SSUH2: variants seen among roughly 807,000 people sequenced by gnomAD.
SSUH2 encodes protein SSUH2 homolog.
A neutral mutation model predicts 55.3 loss-of-function variants in SSUH2; 47 were observed. The observed-to-expected ratio is 0.85, with a 90% CI of 0.67 to 1.08. SSUH2 has a LOEUF of 1.08. SSUH2 is among the 50% of genes least tolerant of loss of function. The probability of loss-of-function intolerance (pLI) is 0.00; values close to 1 mark genes in which losing one functional copy is unlikely to be tolerated. For synonymous variants in SSUH2, 212 were observed against 191.5 expected (o/e 1.11, Z -0.89); for missense variants, 535 against 490.7 (o/e 1.09, Z -0.85).
chr3:8,678,301 C>T (rs1404010779), intron 2 of SSUH2, among the ~76,000 whole-genome samples: 4 of 152,020 alleles, frequency 2.6e-5, no homozygotes, highest in Non-Finnish European at 4.4e-5. Context: ...GGAAGAATAT[C>T]ACAGGGTGGG....
chr3:8,676,947 G>A lies in SSUH2; in HGVS notation c.-753+259C>T, dbSNP rs1375999204. On this transcript the variant is annotated intron_variant, in intron 3 of 18. Coordinates refer to the SSUH2 transcript ENST00000317371. ...GCTCTTAGGACCCCCATAGTACGGG[G>A]GGAAGGCATCCCCCTGTGAGGCGGG... Among the ~76,000 whole-genome samples, 6 of 144,284 alleles carry A rather than the reference G, an allele frequency of 4.2e-5. No homozygotes were observed. In the South Asian group the frequency reaches 9.0e-4, roughly 22 times the overall value. 94.7% of individuals were successfully genotyped at this position (144,284 alleles called of 152,430 possible). A position where few individuals can be genotyped will look rare whatever the true frequency, so the allele number is the denominator to read the frequency against.
intron 3 of SSUH2, chr3:8,634,013 A>G: frequency 6.6e-7 from 1 of 1,505,358 alleles, no homozygotes; most frequent in African/African-American, 1.4e-5. Flanking sequence ...ACAGCCAAAA[A>G]CACTTTAGTT....
At chr3:8,628,365 A>C (rs1288742258) in intron 7 of SSUH2, among the ~76,000 whole-genome samples, 2 of 152,132 alleles carry the variant, frequency 1.3e-5, no homozygotes, top group Non-Finnish European at 2.9e-5. Flanking sequence ...AAAGAACGCG[A>C]GAAGTTTGGT....
intron 10 of SSUH2, among the ~76,000 whole-genome samples, chr3:8,624,775 T>C (rs2125101975): frequency 6.6e-6 from 1 of 152,316 alleles, no homozygotes; most frequent in East Asian, 1.9e-4. Flanking sequence ...GGCAGTGGGC[T>C]GGGTGTGCCA....
intron 1 of SSUH2, among the ~76,000 whole-genome samples, chr3:8,680,689 A>G (rs1228833952): frequency 6.6e-6 from 1 of 151,946 alleles, no homozygotes; most frequent in East Asian, 1.9e-4. Context: ...TCTGCCATAC[A>G]TGAAGTCATA....
chr3:8,655,402 A>T (rs2662107), intron 7 of SSUH2, among the ~76,000 whole-genome samples: 4 of 95,742 alleles, frequency 4.2e-5, no homozygotes, highest in East Asian at 3.0e-4. Context: ...GGGTGGCCTC[A>T]TCCCCCGGGT....
At chr3:8,649,724 C>G (rs906594867), upstream of SSUH2, among the ~76,000 whole-genome samples, 1 of 152,130 alleles carries the variant, frequency 6.6e-6, no homozygotes, top group Admixed American at 6.5e-5. Context: ...CCCTGCCCCC[C>G]TCACCTGGAT....
chr3:8,634,032 G>C lies in SSUH2; in HGVS notation c.210-237C>G, dbSNP rs552904930. 3.0e-6 allele frequency: 4 copies of C among 1,340,614 alleles called. No homozygotes were observed. The African/African-American group carries it at 5.9e-5, about 20-fold the overall frequency. 83.0% of individuals were successfully genotyped at this position (1,340,614 alleles called of 1,614,324 possible). On this transcript the variant is annotated intron_variant, in intron 3 of 11. Coordinates refer to ENST00000544814, the MANE Select transcript of SSUH2 (RefSeq NM_001256748.3). ...CCAAAAACACTTTAGTTGAAATGTG[G>C]AGCTTAGGAGAAAAGCTGATAGAAT...
chr3:8,653,121 T>A (rs1228643860), intron 7 of SSUH2, among the ~76,000 whole-genome samples: 1 of 152,180 alleles, frequency 6.6e-6, no homozygotes, highest in Non-Finnish European at 1.5e-5. Flanking sequence ...AAATTGAGAA[T>A]CACATGGAGA....
chr3:8,620,552 T>A (rs78004562), intron 11 of SSUH2, among the ~76,000 whole-genome samples: 3 of 152,214 alleles, frequency 2.0e-5, no homozygotes, highest in Non-Finnish European at 2.9e-5. Context: ...TCTAGATGTA[T>A]CTCCTACTGT....
intron 9 of SSUH2, 106 bp downstream of exon 9, chr3:8,626,123 G>T: frequency 1.2e-6 from 1 of 853,790 alleles, no homozygotes; most frequent in Non-Finnish European, 2.0e-6. Context: ...GCAGGTTCTT[G>T]CACTGTGAAA....
chr3:8,642,000 C>G (rs1700933169), intron 1 of SSUH2, among the ~76,000 whole-genome samples: 1 of 152,158 alleles, frequency 6.6e-6, no homozygotes, highest in South Asian at 2.1e-4. Context: ...GATCTCAATC[C>G]TGCCCCTGTG....
At chr3:8,627,632 A>G (rs1697860977) in intron 8 of SSUH2, 66 bp downstream of exon 8, 1 of 1,346,572 alleles carries the variant, frequency 7.4e-7, no homozygotes, top group Non-Finnish European at 1.0e-6. Context: ...TGCCTTCCAG[A>G]TGGGCAGGCA....
chr3:8,644,314 C>T (rs1194197810), intron 1 of SSUH2, among the ~76,000 whole-genome samples: 2 of 152,116 alleles, frequency 1.3e-5, no homozygotes, highest in East Asian at 3.9e-4. Context: ...GAAAATCTCA[C>T]TTAGATTTGG....
intron 1 of SSUH2, among the ~76,000 whole-genome samples, chr3:8,680,787 C>A (rs531056876): frequency 1.3e-5 from 2 of 152,040 alleles, no homozygotes; most frequent in African/African-American, 2.4e-5. Flanking sequence ...ATCAACCTCT[C>A]GGCCTCTGAA....
At chr3:8,627,650 G>A in intron 8 of SSUH2, 48 bp downstream of exon 8, 1 of 1,454,728 alleles carries the variant, frequency 6.9e-7, no homozygotes, top group Non-Finnish European at 9.2e-7. Context: ...GCAATGAAAA[G>A]CCAGAAAGCA....
Position 8,623,531 on chromosome 3 carries a change from C to T in SSUH2, c.981+18G>A, listed in dbSNP as rs1243225452. ...GGAAGAGACGTCAGAGCCAGATGGCCCCTCCGCCCTGGCTCACCTGCTGCA... is the reference window on the plus strand; with the variant it reads ...GGAAGAGACGTCAGAGCCAGATGGCTCCTCCGCCCTGGCTCACCTGCTGCA... On this transcript the variant is annotated intron_variant, in intron 11 of 11. Transcript: ENST00000544814. 1 of 1,466,550 alleles carries T rather than the reference C, an allele frequency of 6.8e-7. No homozygotes were observed. Among genetic ancestry groups the T allele is most frequent in the East Asian group, 2.5e-5 (1 of 40,562 alleles). The allele number at this position is 1,466,550 out of a possible 1,614,324, so 90.8% of individuals were successfully genotyped here.
At chr3:8,627,580 G>A in intron 8 of SSUH2, 118 bp downstream of exon 8, 2 of 776,684 alleles carry the variant, frequency 2.6e-6, no homozygotes, top group Non-Finnish European at 3.9e-6. Context: ...TACGTGCAGA[G>A]CTCTGGGGAC....
upstream of SSUH2, among the ~76,000 whole-genome samples, chr3:8,646,777 G>C (rs918616368): frequency 6.6e-6 from 1 of 152,220 alleles, no homozygotes; most frequent in Non-Finnish European, 1.5e-5. Context: ...TGTGAGGCTA[G>C]TACTGGTCCC....
Sources: allele counts gnomAD v4.1 joint callset (sites outside exome capture counted in the v4.1 genomes callset), GRCh38; gene constraint gnomAD v4.1.1; transcripts MANE v1.5; gene names NCBI Gene and HGNC (gene_info 2026-07-23, HGNC 2026-07-21).